The following DLG2 variants were observed in gnomAD, a reference collection of about 807,000 sequenced individuals.
DLG2 encodes the protein discs large MAGUK scaffold protein 2, also known as disks large homolog 2.
Under a neutral mutation model 132.5 loss-of-function variants are expected in DLG2, and 45 were observed. The observed-to-expected ratio is 0.34, with a 90% CI of 0.27 to 0.44. The LOEUF is 0.44. DLG2 is among the 20% of genes least tolerant of loss of function. The pLI is 1.00. For missense variants in DLG2, 1,045 were observed against 1,196.9 expected (o/e 0.87, Z 1.87); for synonymous variants, 424 against 419.6 (o/e 1.01, Z -0.13).
intron 9 of DLG2, among the ~76,000 whole-genome samples, chr11:84,103,887 C>G (rs553343958): frequency 3.3e-5 from 5 of 151,036 alleles, no homozygotes; most frequent in Non-Finnish European, 7.4e-5. Flanking sequence ...AATGTTGTAC[C>G]GACAATGATT....
At chr11:84,914,722 T>C (rs2092343811) in intron 6 of DLG2, among the ~76,000 whole-genome samples, 1 of 152,238 alleles carries the variant, frequency 6.6e-6, no homozygotes, top group South Asian at 2.1e-4. Flanking sequence ...CATTGGTGCC[T>C]GAGCCTAGCA....
At chr11:83,668,613 C>A (rs1297578605) in intron 18 of DLG2, among the ~76,000 whole-genome samples, 7 of 150,086 alleles carry the variant, frequency 4.7e-5, no homozygotes, top group African/African-American at 1.7e-4. Flanking sequence ...GGAAGAAAAA[C>A]TATATATACA....
intron 3 of DLG2, among the ~76,000 whole-genome samples, chr11:85,513,270 AG>A (rs1251073923): frequency 6.6e-6 from 1 of 152,052 alleles, no homozygotes; most frequent in African/African-American, 2.4e-5. Context: ...TGGGATCATT[AG>A]AAGCCCAAAC....
intron 19 of DLG2, among the ~76,000 whole-genome samples, chr11:83,568,733 C>T (rs1411276378): frequency 1.3e-5 from 2 of 152,054 alleles, no homozygotes; most frequent in African/African-American, 4.8e-5. Flanking sequence ...ATACAGGAGT[C>T]CAAGAAGCTT....
chr11:83,732,632 G>A (rs1282417746), intron 18 of DLG2, among the ~76,000 whole-genome samples: 1 of 152,162 alleles, frequency 6.6e-6, no homozygotes, highest in Non-Finnish European at 1.5e-5. Flanking sequence ...CAGGCTTTGT[G>A]GGTATTTGAG....
chr11:85,296,893 AATT>A (rs1222415108), intron 3 of DLG2, among the ~76,000 whole-genome samples: 3 of 149,948 alleles, frequency 2.0e-5, no homozygotes, highest in Non-Finnish European at 3.0e-5. Flanking sequence ...TATTATATAT[AATT>A]ATATTATTGT....
At chr11:84,054,618 G>T (rs1218897310) in intron 11 of DLG2, among the ~76,000 whole-genome samples, 2 of 152,018 alleles carry the variant, frequency 1.3e-5, no homozygotes, top group African/African-American at 4.8e-5. Context: ...AATCACCAAT[G>T]AGATGATTGA....
chr11:85,537,016 C>G (rs1270556205), intron 3 of DLG2, among the ~76,000 whole-genome samples: 1 of 152,172 alleles, frequency 6.6e-6, no homozygotes, highest in Non-Finnish European at 1.5e-5. Context: ...AATCAGCATT[C>G]TGTGTCTAGC....
chr11:84,671,977 T>C (rs1184776038), intron 6 of DLG2, among the ~76,000 whole-genome samples: 1 of 152,162 alleles, frequency 6.6e-6, no homozygotes, highest in Non-Finnish European at 1.5e-5. Context: ...TATATAAGTA[T>C]CTAGCTCTGT....
chr11:84,970,956 C>T (rs1387789447), intron 6 of DLG2, among the ~76,000 whole-genome samples: 1 of 152,092 alleles, frequency 6.6e-6, no homozygotes, highest in East Asian at 1.9e-4. Context: ...TATTGAATAT[C>T]TAAGATGCAT....
intron 3 of DLG2, among the ~76,000 whole-genome samples, chr11:85,513,991 T>C (rs1054591780): frequency 3.9e-5 from 6 of 151,938 alleles, no homozygotes; most frequent in Admixed American, 3.9e-4. Flanking sequence ...AACAATTTAG[T>C]TTTCTCTTGA....
At chr11:84,163,408 T>C (rs1312573319) in intron 9 of DLG2, 53 bp downstream of exon 9, 3 of 1,486,836 alleles carry the variant, frequency 2.0e-6, no homozygotes, top group Non-Finnish European at 2.8e-6. Flanking sequence ...AAGATTAGAA[T>C]AGAATGTGAA....
intron 9 of DLG2, among the ~76,000 whole-genome samples, chr11:84,150,993 G>A (rs558545417): frequency 6.6e-6 from 1 of 152,120 alleles, no homozygotes; most frequent in Non-Finnish European, 1.5e-5. Flanking sequence ...TGGATGTGCT[G>A]CTGGATTCAG....
chr11:85,569,692 G>A (rs1162980080), intron 3 of DLG2, among the ~76,000 whole-genome samples: 1 of 152,096 alleles, frequency 6.6e-6, no homozygotes, highest in African/African-American at 2.4e-5. Flanking sequence ...GAGTCAGAAT[G>A]ACTACTACTA....
intron 6 of DLG2, among the ~76,000 whole-genome samples, chr11:84,711,144 C>T (rs929166659): frequency 6.6e-6 from 1 of 151,076 alleles, no homozygotes; most frequent in Non-Finnish European, 1.5e-5. Context: ...AAATCCATAA[C>T]CTTATGAGGA....
At chr11:84,207,276 C>A (rs2096683140) in intron 8 of DLG2, among the ~76,000 whole-genome samples, 1 of 151,650 alleles carries the variant, frequency 6.6e-6, no homozygotes, top group African/African-American at 2.4e-5. Flanking sequence ...AGGCTTTCTG[C>A]AGAATTTGGT....
intron 7 of DLG2, among the ~76,000 whole-genome samples, chr11:84,292,800 G>A (rs905925280): frequency 3.9e-5 from 6 of 152,072 alleles, no homozygotes; most frequent in African/African-American, 1.2e-4. Flanking sequence ...AGATAAATTA[G>A]ATGTAAAGGC....
chr11:84,850,419 T>C (rs1423407066), intron 6 of DLG2, among the ~76,000 whole-genome samples: 6 of 152,242 alleles, frequency 3.9e-5, no homozygotes, highest in Non-Finnish European at 1.5e-5. Flanking sequence ...ATAAATAAAC[T>C]TTTATGGGAT....
intron 6 of DLG2, among the ~76,000 whole-genome samples, chr11:84,798,920 G>A (rs991924701): frequency 1.3e-5 from 2 of 152,110 alleles, no homozygotes; most frequent in African/African-American, 4.8e-5. Flanking sequence ...CCATCCTAGT[G>A]TGCCTAAGCT....
Sources: gnomAD v4.1 joint callset for allele counts (sites outside exome capture counted in the v4.1 genomes callset) on GRCh38, gnomAD v4.1.1 for gene constraint, MANE v1.5 for transcripts, NCBI Gene and HGNC (gene_info 2026-07-23, HGNC 2026-07-21) for gene names.